USP34: variants seen among roughly 807,000 people sequenced by gnomAD.
The protein encoded by USP34 is ubiquitin carboxyl-terminal hydrolase 34.
USP34 carries 70 observed loss-of-function variants against 460.3 expected under a neutral mutation model. The ratio of observed to expected loss-of-function variants is 0.15; its 90% confidence interval spans 0.13 to 0.19. The LOEUF is 0.19. Ranked by LOEUF, USP34 falls within the 10% of genes least tolerant of loss-of-function variation. The probability of loss-of-function intolerance (pLI) is 1.00; values close to 1 mark genes in which losing one functional copy is unlikely to be tolerated. For missense variants in USP34, 3,985 were observed against 4,236.2 expected, an observed-to-expected ratio of 0.94 and a Z score of 1.65; for synonymous variants, 1,647 against 1,405.3, an observed-to-expected ratio of 1.17 and a Z score of -3.85.
intron 8 of USP34, among the ~76,000 whole-genome samples, chr2:61,376,392 T>C (rs971738339): frequency 1.3e-5 from 2 of 152,236 alleles, no homozygotes; most frequent in Non-Finnish European, 2.9e-5. Flanking sequence ...AACATGTCTT[T>C]GGGATGTATA....
intron 1 of USP34, among the ~76,000 whole-genome samples, chr2:61,446,510 T>C (rs908021500): frequency 1.3e-5 from 2 of 152,186 alleles, no homozygotes; most frequent in Non-Finnish European, 2.9e-5. Flanking sequence ...AATCCAGTGA[T>C]GTAGGCTGGG....
At chr2:61,312,063 T>A (rs561829916) in intron 25 of USP34, among the ~76,000 whole-genome samples, 153 bp from the exon 26 acceptor site, 1 of 152,242 alleles carries the variant, frequency 6.6e-6, no homozygotes, top group East Asian at 1.9e-4. Context: ...AAGTTCAGAT[T>A]CATCATACTG....
intron 28 of USP34, 21 bp from the exon 29 acceptor site, chr2:61,301,181 A>G: frequency 1.3e-6 from 2 of 1,578,064 alleles, no homozygotes; most frequent in Non-Finnish European, 1.7e-6. Context: ...CAGGAAAAAA[A>G]ATTTATGCAT....
In USP34 at chr2:61,434,011, A is replaced by C. The variant is rs557157578; in HGVS notation, c.44-13178T>G. Among the ~76,000 whole-genome samples the C allele has an allele frequency of 2.6e-5, 4 of 152,186 alleles. No homozygotes were observed. The South Asian group carries it at 8.3e-4, about 32-fold the overall frequency. On this transcript the variant is annotated intron_variant, in intron 1 of 79. Coordinates refer to ENST00000398571, the MANE Select transcript of USP34 (RefSeq NM_014709.4). ...CACTTCAAGCCAAAGGAACAGTCTG[A>C]CAGTCCCATCCAGGACAAACCTGCC...
At chr2:61,395,425 G>C (rs948551634) in intron 3 of USP34, among the ~76,000 whole-genome samples, 192 bp from the exon 4 acceptor site, 1 of 152,160 alleles carries the variant, frequency 6.6e-6, no homozygotes, top group Admixed American at 6.5e-5. Context: ...CCTCCTTTAA[G>C]TAGAAGCCAT....
intron 10 of USP34, among the ~76,000 whole-genome samples, chr2:61,368,559 T>C (rs1692512078): frequency 6.6e-6 from 1 of 152,114 alleles, no homozygotes; most frequent in Admixed American, 6.5e-5. Context: ...TAGGTCAGTC[T>C]AGAAAGTTCA....
chr2:61,243,728 G>A (rs181047950), intron 51 of USP34, among the ~76,000 whole-genome samples: 56 of 151,898 alleles, frequency 3.7e-4, no homozygotes, highest in African/African-American at 1.3e-3. Context: ...AAAATTAGCT[G>A]GGCATGGTGG....
intron 27 of USP34, among the ~76,000 whole-genome samples, chr2:61,306,554 C>T (rs2103657749): frequency 6.6e-6 from 1 of 152,210 alleles, no homozygotes. Flanking sequence ...GCAATGCGGG[C>T]CCTTTTTTGG....
chr2:61,271,057 G>A (rs1179800582), intron 41 of USP34, among the ~76,000 whole-genome samples: 1 of 152,074 alleles, frequency 6.6e-6, no homozygotes, highest in East Asian at 1.9e-4. Context: ...GCTAAGGTGG[G>A]CGGATCATCT....
rs1168273832 is a variant in USP34, at chr2:61,221,612, A to T, written c.7795-6T>A. 1 of 1,613,274 alleles carries T rather than the reference A, an allele frequency of 6.2e-7. No homozygotes were observed. The highest frequency in any genetic ancestry group is 8.5e-7 in the Non-Finnish European group (1 of 1,179,564). ...TTAAAGAAAGGATTGGCTGCCTGTA[A>T]AACACATACATGACTGTGTATTTAG... On this transcript the variant is annotated splice_region_variant and splice_polypyrimidine_tract_variant and intron_variant, in intron 65 of 79. Transcript: ENST00000398571.
At chr2:61,332,023 C>T (rs1218012267) in intron 19 of USP34, among the ~76,000 whole-genome samples, 1 of 151,916 alleles carries the variant, frequency 6.6e-6, no homozygotes, top group African/African-American at 2.4e-5. Context: ...CTGTTATAGC[C>T]ATATTTTAAA....
At chr2:61,190,088 TAG>T (rs1005728346) in intron 78 of USP34, 181 bp downstream of exon 78, 127 of 608,626 alleles carry the variant, frequency 2.1e-4, no homozygotes, top group Middle Eastern at 4.6e-4. Flanking sequence ...TCCAAGGTGA[TAG>T]AGTGTGCTGT....
At chr2:61,337,420 T>A (rs972860753) in intron 18 of USP34, among the ~76,000 whole-genome samples, 1 of 151,794 alleles carries the variant, frequency 6.6e-6, no homozygotes, top group African/African-American at 2.4e-5. Flanking sequence ...TGCATTTGAA[T>A]AGCTATGCAA....
intron 48 of USP34, among the ~76,000 whole-genome samples, chr2:61,251,961 T>G (rs979404777): frequency 6.6e-6 from 1 of 151,730 alleles, no homozygotes; most frequent in African/African-American, 2.4e-5. Flanking sequence ...ACATTTTAAT[T>G]TGTTTAAAAA....
Position 61,311,701 on chromosome 2 carries a change from T to G in USP34, c.3670-14A>C. On this transcript the variant is annotated splice_polypyrimidine_tract_variant and intron_variant, in intron 26 of 79. Transcript: ENST00000398571. ...TTCAATAGTCATCTGAAATATGAGA[T>G]GCAACCAATTTAAAAATACAAAAAG... 1 of 1,608,414 alleles carries G rather than the reference T, an allele frequency of 6.2e-7. No individual in the cohort carries two copies. The highest frequency in any genetic ancestry group is 8.5e-7 in the Non-Finnish European group (1 of 1,177,800).
intron 18 of USP34, among the ~76,000 whole-genome samples, chr2:61,335,781 T>C (rs1691397652): frequency 6.6e-6 from 1 of 152,096 alleles, no homozygotes; most frequent in East Asian, 1.9e-4. Context: ...TCCAGAGTAA[T>C]AATACACTAA....
chr2:61,341,366 A>C (rs1275421117), intron 16 of USP34, among the ~76,000 whole-genome samples: 1 of 152,216 alleles, frequency 6.6e-6, no homozygotes, highest in Non-Finnish European at 1.5e-5. Context: ...TTTGTGATAA[A>C]GCAGTTTGAT....
intron 27 of USP34, among the ~76,000 whole-genome samples, chr2:61,309,376 A>G (rs911548581): frequency 5.2e-4 from 79 of 152,214 alleles, no homozygotes; most frequent in Non-Finnish European, 1.3e-4. Flanking sequence ...AGAATATCCA[A>G]CACAGGAGAG....
At chr2:61,209,526 CCATGGTAA>C (rs1293896009) in intron 69 of USP34, among the ~76,000 whole-genome samples, 1 of 152,210 alleles carries the variant, frequency 6.6e-6, no homozygotes, top group Non-Finnish European at 1.5e-5. Flanking sequence ...GACTTCATAG[CCATGGTAA>C]CATTCACAAT....
Sources: gnomAD v4.1 joint callset for allele counts (sites outside exome capture counted in the v4.1 genomes callset) on GRCh38, gnomAD v4.1.1 for gene constraint, MANE v1.5 for transcripts, NCBI Gene and HGNC (gene_info 2026-07-23, HGNC 2026-07-21) for gene names.